The following FZD3 variants were observed in gnomAD, a reference collection of about 807,000 sequenced individuals.
FZD3 encodes frizzled class receptor 3.
Under a neutral mutation model 60.7 loss-of-function variants are expected in FZD3, and 30 were observed. That is an observed-to-expected ratio of 0.49 (90% CI 0.37 to 0.67). FZD3 has a LOEUF of 0.67. Ranked by LOEUF, FZD3 falls within the 30% of genes least tolerant of loss-of-function variation. The pLI, the probability that FZD3 is intolerant of heterozygous loss-of-function variation, is 0.00. For missense variants in FZD3, 605 were observed against 838.7 expected (o/e 0.72, Z 3.44); for synonymous variants, 246 against 275.2 (o/e 0.89, Z 1.05).
intron 3 of FZD3, among the ~76,000 whole-genome samples, chr8:28,509,751 G>A (rs1804235363): frequency 6.6e-6 from 1 of 152,126 alleles, no homozygotes; most frequent in Non-Finnish European, 1.5e-5. Context: ...GTTCATCAAT[G>A]TATCATGTGT....
intron 5 of FZD3, among the ~76,000 whole-genome samples, chr8:28,528,531 T>G (rs2130378437): frequency 6.6e-6 from 1 of 152,278 alleles, no homozygotes; most frequent in African/African-American, 2.4e-5. Flanking sequence ...ATTGTTTTAT[T>G]AATAACAGTT....
chr8:28,497,645 A>G (rs1268289322), intron 1 of FZD3, among the ~76,000 whole-genome samples: 1 of 152,238 alleles, frequency 6.6e-6, no homozygotes. Context: ...TGCATTTATC[A>G]GGTGTCAAGA....
chr8:28,503,496 C>A (rs933531510), intron 3 of FZD3, among the ~76,000 whole-genome samples: 1 of 152,096 alleles, frequency 6.6e-6, no homozygotes, highest in Non-Finnish European at 1.5e-5. Flanking sequence ...GAATAACTCC[C>A]AAGCAGTGAA....
intron 3 of FZD3, among the ~76,000 whole-genome samples, chr8:28,516,614 A>G (rs574437698): frequency 2.4e-4 from 37 of 152,242 alleles, no homozygotes; most frequent in African/African-American, 7.7e-4. Flanking sequence ...CATTGGATAA[A>G]TTTATTCCTA....
Position 28,568,236 on chromosome 8 carries a change from T to C in FZD3, c.*5225T>C, listed in dbSNP as rs374769965. 1.6e-4 allele frequency: 24 copies of C among 152,316 alleles called. No homozygotes were observed. The highest frequency in any genetic ancestry group is 5.8e-4 in the African/African-American group (24 of 41,584). The allele number at this position is 152,316 out of a possible 1,614,324, so 9.4% of individuals were successfully genotyped here. On this transcript the variant is annotated 3_prime_UTR_variant, in exon 8 of 8. Coordinates refer to ENST00000240093, the MANE Select transcript of FZD3 (RefSeq NM_017412.4). ...TTACAGCTGATTAAGAAAAAATGTT[T>C]ACATTTAATTCAGCTGTATTTCCTA...
intron 3 of FZD3, among the ~76,000 whole-genome samples, chr8:28,505,478 G>A (rs1216322790): frequency 2.0e-5 from 3 of 152,086 alleles, no homozygotes; most frequent in Non-Finnish European, 2.9e-5. Context: ...AGCCTCCCAA[G>A]TAGCTGGGAC....
intron 3 of FZD3, among the ~76,000 whole-genome samples, chr8:28,520,239 A>G (rs991296527): frequency 3.6e-5 from 5 of 140,592 alleles, no homozygotes; most frequent in Non-Finnish European, 6.3e-5. Flanking sequence ...AAAAAAAGGA[A>G]GAAAGAAAGA....
chr8:28,560,934 A>C (rs886362404), intron 7 of FZD3, among the ~76,000 whole-genome samples: 5 of 152,254 alleles, frequency 3.3e-5, no homozygotes, highest in Non-Finnish European at 7.3e-5. Flanking sequence ...CCTAAATATG[A>C]AGTATCTTTT....
At chr8:28,518,848 G>A (rs1306932697) in intron 3 of FZD3, among the ~76,000 whole-genome samples, 1 of 152,130 alleles carries the variant, frequency 6.6e-6, no homozygotes. Flanking sequence ...GTGGCTGTAC[G>A]TATCAGGCTA....
intron 5 of FZD3, among the ~76,000 whole-genome samples, chr8:28,533,505 A>G (rs1015712856): frequency 2.0e-5 from 3 of 152,220 alleles, no homozygotes; most frequent in African/African-American, 7.2e-5. Context: ...AATTTAACCA[A>G]AAGACCATTA....
chr8:28,527,058 G>A lies in FZD3; in HGVS notation c.387-89G>A, dbSNP rs1162403331. 1 of 1,048,668 alleles carries A rather than the reference G, an allele frequency of 9.5e-7. No individual in the cohort carries two copies. The highest frequency in any genetic ancestry group is 1.6e-5 in the African/African-American group (1 of 63,052). The allele number at this position is 1,048,668 out of a possible 1,614,324, so 65.0% of individuals were successfully genotyped here. On this transcript the variant is annotated intron_variant, in intron 4 of 7. Coordinates refer to ENST00000240093, the MANE Select transcript of FZD3 (RefSeq NM_017412.4). This position sits in a 1 kb window ranked among gnomAD's most constrained non-coding sequence, Gnocchi z 5.0. ...TTGCTCTCCAGGAATAAATAAGGTTGTGAGTGCCAGATTTGGAAATCCAAA... is the reference window on the plus strand; with the variant it reads ...TTGCTCTCCAGGAATAAATAAGGTTATGAGTGCCAGATTTGGAAATCCAAA...
At chr8:28,549,141 C>T (rs1162880403) in intron 5 of FZD3, among the ~76,000 whole-genome samples, 1 of 152,176 alleles carries the variant, frequency 6.6e-6, no homozygotes, top group African/African-American at 2.4e-5. Context: ...CTCACATGGC[C>T]TTTCTGTGTG....
chr8:28,555,010 C>T (rs1319827525), intron 6 of FZD3, among the ~76,000 whole-genome samples: 5 of 152,118 alleles, frequency 3.3e-5, no homozygotes, highest in Admixed American at 2.0e-4. Context: ...TGTTCATCAT[C>T]GTAAACCATC....
chr8:28,502,460 A>T (rs1171543339), intron 2 of FZD3, among the ~76,000 whole-genome samples: 1 of 152,202 alleles, frequency 6.6e-6, no homozygotes, highest in African/African-American at 2.4e-5. Context: ...GATGAAATTA[A>T]ATTTGCATTT....
intron 1 of FZD3, among the ~76,000 whole-genome samples, chr8:28,497,971 T>G (rs955785882): frequency 3.9e-5 from 6 of 152,202 alleles, no homozygotes; most frequent in Admixed American, 3.9e-4. Flanking sequence ...TTAAAGACTT[T>G]TACTTTTTGT....
chr8:28,495,014 G>A (rs1803805133), intron 1 of FZD3, among the ~76,000 whole-genome samples: 1 of 152,334 alleles, frequency 6.6e-6, no homozygotes, highest in South Asian at 2.1e-4. Context: ...TTTGCCGTGG[G>A]GTGGCTGCTG....
chr8:28,548,404 G>A (rs1350000325), intron 5 of FZD3, among the ~76,000 whole-genome samples: 2 of 151,784 alleles, frequency 1.3e-5, no homozygotes, highest in Non-Finnish European at 1.5e-5. Context: ...GGGCTCAAGC[G>A]AACCACCTGC....
chr8:28,563,316 T>C lies in FZD3; in HGVS notation c.*305T>C, dbSNP rs1805649895. 1.5e-5 allele frequency: 5 copies of C among 339,760 alleles called. No individual in the cohort carries two copies. In the Admixed American group the frequency reaches 2.1e-4, roughly 14 times the overall value. The allele number at this position is 339,760 out of a possible 1,614,324, so 21.0% of individuals were successfully genotyped here. A position where few individuals can be genotyped will look rare whatever the true frequency, so the allele number is the denominator to read the frequency against. On this transcript the variant is annotated 3_prime_UTR_variant, in exon 8 of 8. Transcript: ENST00000240093. The stretch of plus-strand genomic sequence containing the variant: ...ATTTTATATTTAGAAAAATCCTAAA[T>C]GTGTGGTGACTGCTTTGTAGTGAAC...
chr8:28,558,577 T>C (rs1438724058), intron 7 of FZD3, among the ~76,000 whole-genome samples: 3 of 151,990 alleles, frequency 2.0e-5, no homozygotes, highest in Non-Finnish European at 4.4e-5. Context: ...ATTACAGGCA[T>C]GTGCCACCAC....
Sources: gnomAD v4.1 joint callset for allele counts (sites outside exome capture counted in the v4.1 genomes callset) on GRCh38, gnomAD v4.1.1 for gene constraint, Gnocchi (gnomAD v3.1) non-coding constraint, MANE v1.5 for transcripts, NCBI Gene and HGNC (gene_info 2026-07-23, HGNC 2026-07-21) for gene names.